EGF: variants seen among roughly 807,000 people sequenced by gnomAD.
EGF encodes the protein pro-epidermal growth factor.
EGF carries 95 observed loss-of-function variants against 143.8 expected under a neutral mutation model. The ratio of observed to expected loss-of-function variants is 0.66; its 90% CI spans 0.56 to 0.78. EGF has a LOEUF of 0.78. Among genes scored for constraint, EGF ranks in the 30% least tolerant of loss-of-function variants. The pLI is 0.00. For missense variants in EGF, 1,320 were observed against 1,470.9 expected (o/e 0.90, Z 1.68); for synonymous variants, 510 against 510.5 (o/e 1.00, Z 0.01).
chr4:109,918,711 C>A (rs550553620), intron 1 of EGF, among the ~76,000 whole-genome samples: 3 of 152,264 alleles, frequency 2.0e-5, no homozygotes, highest in African/African-American at 7.2e-5. Context: ...AACGAGGAAA[C>A]AATTGTTATG....
chr4:109,922,017 T>C (rs539456307), intron 1 of EGF, among the ~76,000 whole-genome samples: 12 of 151,630 alleles, frequency 7.9e-5, no homozygotes, highest in African/African-American at 2.4e-4. Context: ...TCTTCTGGTG[T>C]TTTTCTCCCT....
At chr4:109,951,963 G>GT (rs918195435) in intron 5 of EGF, among the ~76,000 whole-genome samples, 210 of 151,238 alleles carry the variant, frequency 1.4e-3, no homozygotes, top group Non-Finnish European at 1.1e-3. Context: ...TTTCTTTAAT[G>GT]TTTTTTTTCA....
chr4:109,932,377 A>ATATATATATATATATAT (rs1553929849), intron 1 of EGF, among the ~76,000 whole-genome samples: 30 of 123,910 alleles, frequency 2.4e-4, no homozygotes, highest in South Asian at 5.2e-4. Flanking sequence ...ATATATATAT[A>ATATATATATATATATAT]AATTTTTTTT....
intron 1 of EGF, among the ~76,000 whole-genome samples, chr4:109,915,855 A>T (rs144229689): frequency 6.6e-6 from 1 of 152,338 alleles, no homozygotes; most frequent in African/African-American, 2.4e-5. Flanking sequence ...AGCCGGATAA[A>T]CCAAGTGATA....
In EGF at chr4:110,013,096, G is replaced by A. The variant is rs1173011145; in HGVS notation, c.*1641G>A. 2.0e-5 allele frequency among the ~76,000 whole-genome samples: 3 copies of A among 151,922 alleles called. No individual in the cohort carries two copies. The highest frequency in any genetic ancestry group is 4.4e-5 in the Non-Finnish European group (3 of 67,972). On this transcript the variant is annotated 3_prime_UTR_variant, in exon 24 of 24. Transcript: ENST00000265171. Reference sequence around the variant, plus strand: ...AGCTAATTTAGATTTTTCTATATTCGGTTTTGCTTTCATTGACAATATCCT... The same window carrying A: ...AGCTAATTTAGATTTTTCTATATTCAGTTTTGCTTTCATTGACAATATCCT...
intron 1 of EGF, among the ~76,000 whole-genome samples, chr4:109,937,742 T>C (rs562185161): frequency 8.7e-4 from 132 of 152,200 alleles, no homozygotes; most frequent in Non-Finnish European, 1.6e-3. Context: ...TGCTTGTCTT[T>C]AAAGGATTTT....
In EGF at chr4:109,968,672, A is replaced by ACATC. The variant is rs1491031608; in HGVS notation, c.1576-298_1576-295dup. On this transcript the variant is annotated intron_variant, in intron 10 of 23. Transcript: ENST00000265171. ...GATATATGTATATTTATATCTATAT[A>ACATC]CATCTATCTATCTATCTATCTATCT... 5 of 179,838 alleles carry ACATC rather than the reference A, an allele frequency of 2.8e-5. No individual in the cohort carries two copies. In the African/African-American group the frequency reaches 2.9e-4, roughly 10 times the overall value. The allele number at this position is 179,838 out of a possible 1,614,324, so 11.1% of individuals were successfully genotyped here. A position where few individuals can be genotyped will look rare whatever the true frequency, so the allele number is the denominator to read the frequency against.
chr4:109,978,695 C>G (rs1024712622), intron 13 of EGF, among the ~76,000 whole-genome samples: 1 of 152,160 alleles, frequency 6.6e-6, no homozygotes, highest in African/African-American at 2.4e-5. Flanking sequence ...CACTACTGAA[C>G]TTAGAAATGG....
Position 109,953,500 on chromosome 4 carries a change from A to G in EGF, c.941-5812A>G, listed in dbSNP as rs957827989. 2.0e-4 allele frequency among the ~76,000 whole-genome samples: 31 copies of G among 152,294 alleles called. No homozygotes were observed. The East Asian group carries it at 5.0e-3, about 25-fold the overall frequency. ...AAAGGTAAATTCAGTGTTCGATCCTATTTCTTAATTTACGTGTTTTCAAAA... is the reference window on the plus strand; with the variant it reads ...AAAGGTAAATTCAGTGTTCGATCCTGTTTCTTAATTTACGTGTTTTCAAAA... On this transcript the variant is annotated intron_variant, in intron 5 of 23. Coordinates refer to ENST00000265171, the MANE Select transcript of EGF (RefSeq NM_001963.6).
rs542313050 is a variant in EGF, at chr4:109,998,397, C to G, written c.3006-1282C>G. ...TAGAGCATAAAACTCTTTTTGGAAGCAGCATGGTATAGTGGAAAGAACATA... is the reference window on the plus strand; with the variant it reads ...TAGAGCATAAAACTCTTTTTGGAAGGAGCATGGTATAGTGGAAAGAACATA... On this transcript the variant is annotated intron_variant, in intron 20 of 23. Transcript: ENST00000265171. Among the ~76,000 whole-genome samples, 11 of 152,282 alleles carry G rather than the reference C, an allele frequency of 7.2e-5. No individual in the cohort carries two copies. The South Asian group carries it at 2.3e-3, about 32-fold the overall frequency.
intron 18 of EGF, among the ~76,000 whole-genome samples, chr4:109,991,030 C>T (rs767403082): frequency 6.6e-5 from 10 of 152,196 alleles, no homozygotes; most frequent in Admixed American, 2.0e-4. Context: ...GTTACCTCTG[C>T]GGAAGACTAA....
chr4:109,984,337 T>A (rs2126126481), intron 16 of EGF, among the ~76,000 whole-genome samples: 1 of 152,332 alleles, frequency 6.6e-6, no homozygotes, highest in East Asian at 1.9e-4. Flanking sequence ...AACTACTTTG[T>A]TGATGTACGT....
At chr4:109,990,049 G>A (rs1750713851) in intron 18 of EGF, among the ~76,000 whole-genome samples, 1 of 152,112 alleles carries the variant, frequency 6.6e-6, no homozygotes, top group Non-Finnish European at 1.5e-5. Context: ...TCTTGGTCAA[G>A]CATACTTCTT....
chr4:109,948,824 G>A (rs1304979240), intron 5 of EGF, among the ~76,000 whole-genome samples: 2 of 152,140 alleles, frequency 1.3e-5, no homozygotes, highest in South Asian at 2.1e-4. Flanking sequence ...CTAGAGGCTG[G>A]TTAGTTCCTC....
intron 16 of EGF, among the ~76,000 whole-genome samples, chr4:109,986,071 T>C (rs1226759476): frequency 6.6e-6 from 1 of 152,198 alleles, no homozygotes; most frequent in Non-Finnish European, 1.5e-5. Context: ...AAATTGTCAC[T>C]GCTGTTTTAG....
intron 11 of EGF, among the ~76,000 whole-genome samples, 167 bp from the exon 12 acceptor site, chr4:109,974,535 TG>T (rs911171025): frequency 1.3e-5 from 2 of 152,194 alleles, no homozygotes; most frequent in Non-Finnish European, 2.9e-5. Context: ...GCTGCTACTT[TG>T]TTTGTGGGTG....
intron 1 of EGF, among the ~76,000 whole-genome samples, chr4:109,922,687 G>A (rs557859366): frequency 4.6e-5 from 7 of 151,788 alleles, no homozygotes; most frequent in African/African-American, 1.7e-4. Flanking sequence ...TTTGCAAGAA[G>A]AAGTTCTCTC....
chr4:109,987,465 C>T (rs1215961445), intron 16 of EGF, among the ~76,000 whole-genome samples: 1 of 152,120 alleles, frequency 6.6e-6, no homozygotes, highest in African/African-American at 2.4e-5. Context: ...CAGAGTTTCA[C>T]CATGTTGCCC....
At chr4:109,979,718 T>C (rs1172800531) in intron 13 of EGF, among the ~76,000 whole-genome samples, 4 of 152,130 alleles carry the variant, frequency 2.6e-5, no homozygotes, top group Non-Finnish European at 4.4e-5. Context: ...ATTCTCCCAC[T>C]CTGCAACTGC....
Sources: gnomAD v4.1 joint callset for allele counts (sites outside exome capture counted in the v4.1 genomes callset) on GRCh38, gnomAD v4.1.1 for gene constraint, MANE v1.5 for transcripts, NCBI Gene and HGNC (gene_info 2026-07-23, HGNC 2026-07-21) for gene names.